The following CDH18 variants were observed in gnomAD, a reference collection of about 807,000 sequenced individuals.
The protein encoded by CDH18 is cadherin 18.
Under a neutral mutation model 67.9 loss-of-function variants are expected in CDH18, and 31 were observed. That is an observed-to-expected ratio of 0.46 (90% CI 0.34 to 0.62). The LOEUF is 0.62. Among genes scored for constraint, CDH18 ranks in the 20% least tolerant of loss-of-function variants. CDH18 has a pLI of 0.01. For missense variants in CDH18, 890 were observed against 975.5 expected (o/e 0.91, Z 1.17); for synonymous variants, 362 against 347.2 (o/e 1.04, Z -0.48).
intron 1 of CDH18, among the ~76,000 whole-genome samples, chr5:20,378,669 C>T (rs80317307): frequency 0.022 from 3,419 of 152,102 alleles, 88 homozygotes; most frequent in African/African-American, 0.059. Flanking sequence ...ATTAATGATG[C>T]CAAACACCGG....
At chr5:19,817,629 T>C (rs952422713) in intron 3 of CDH18, among the ~76,000 whole-genome samples, 35 of 152,054 alleles carry the variant, frequency 2.3e-4, no homozygotes, top group South Asian at 2.1e-4. Flanking sequence ...GCTATCAAAG[T>C]TTATAGTTCA....
chr5:19,818,700 T>C (rs1779547889), intron 3 of CDH18, among the ~76,000 whole-genome samples: 1 of 152,324 alleles, frequency 6.6e-6, no homozygotes, highest in South Asian at 2.1e-4. Flanking sequence ...TATAGCATGT[T>C]ACTGTACTGA....
intron 3 of CDH18, among the ~76,000 whole-genome samples, chr5:19,836,636 A>C (rs1006376854): frequency 2.6e-5 from 4 of 152,034 alleles, no homozygotes; most frequent in Non-Finnish European, 5.9e-5. Flanking sequence ...CACTCTGATG[A>C]TAGCTTCTTT....
intron 2 of CDH18, among the ~76,000 whole-genome samples, chr5:20,148,918 G>A (rs1750879252): frequency 6.6e-6 from 1 of 151,890 alleles, no homozygotes; most frequent in Non-Finnish European, 1.5e-5. Context: ...GCTGGTCCTG[G>A]AAGGGGACAT....
chr5:19,621,216 GTT>G (rs3062881), intron 5 of CDH18, among the ~76,000 whole-genome samples: 9 of 140,398 alleles, frequency 6.4e-5, no homozygotes, highest in African/African-American at 1.1e-4. Context: ...AAGAACCCAG[GTT>G]TTTTTTTTTT....
chr5:19,724,093 C>A (rs1035158381), intron 4 of CDH18, among the ~76,000 whole-genome samples: 1 of 152,076 alleles, frequency 6.6e-6, no homozygotes, highest in Non-Finnish European at 1.5e-5. Context: ...TTCATGATAG[C>A]CCCACACTGG....
At chr5:20,367,327 C>G (rs4608926) in intron 1 of CDH18, among the ~76,000 whole-genome samples, 151,904 of 152,166 alleles carry the variant, frequency 1, 75,822 homozygotes, top group Middle Eastern at 1. Flanking sequence ...CACCAGACCC[C>G]ATAATGCCAG....
intron 5 of CDH18, among the ~76,000 whole-genome samples, chr5:19,669,942 C>T (rs1432462425): frequency 6.6e-6 from 1 of 152,094 alleles, no homozygotes; most frequent in Non-Finnish European, 1.5e-5. Flanking sequence ...AGTGAAGACT[C>T]ATGAGTTTGC....
chr5:19,713,650 G>A (rs191565544), intron 5 of CDH18, among the ~76,000 whole-genome samples: 1 of 152,184 alleles, frequency 6.6e-6, no homozygotes, highest in Non-Finnish European at 1.5e-5. Context: ...TGTCTGTAAA[G>A]TACTTTGGTA....
intron 8 of CDH18, among the ~76,000 whole-genome samples, chr5:19,571,186 A>G (rs1417141880): frequency 6.6e-6 from 1 of 152,230 alleles, no homozygotes. Context: ...CAAAGGAACC[A>G]GAGTCAGTTA....
At chr5:20,427,210 TA>T (rs1334627775) in intron 1 of CDH18, among the ~76,000 whole-genome samples, 3 of 151,240 alleles carry the variant, frequency 2.0e-5, no homozygotes, top group Non-Finnish European at 4.4e-5. Flanking sequence ...TTTTGTATGA[TA>T]ACTAAATACA....
At chr5:19,624,333 G>C (rs982996436) in intron 5 of CDH18, among the ~76,000 whole-genome samples, 1 of 151,952 alleles carries the variant, frequency 6.6e-6, no homozygotes, top group African/African-American at 2.4e-5. Flanking sequence ...AAAAAGACAT[G>C]GCCACTTTCC....
intron 5 of CDH18, among the ~76,000 whole-genome samples, chr5:19,661,328 G>T (rs894983462): frequency 6.6e-6 from 1 of 151,842 alleles, no homozygotes; most frequent in South Asian, 2.1e-4. Flanking sequence ...AAATACCAGT[G>T]ATAGTATTTA....
intron 2 of CDH18, among the ~76,000 whole-genome samples, chr5:20,026,755 G>A (rs1301083027): frequency 6.6e-6 from 1 of 152,002 alleles, no homozygotes; most frequent in Non-Finnish European, 1.5e-5. Flanking sequence ...TCAGGAGATG[G>A]AGACCATTCT....
intron 1 of CDH18, among the ~76,000 whole-genome samples, chr5:20,384,403 G>A (rs752471273): frequency 8.5e-5 from 13 of 152,064 alleles, no homozygotes; most frequent in East Asian, 3.9e-4. Context: ...CCATGTTGTC[G>A]CCTATAGCAG....
Position 20,051,810 on chromosome 5 carries a change from C to T in CDH18, c.-517-59796G>A, listed in dbSNP as rs1230816570. On this transcript the variant is annotated intron_variant, in intron 2 of 14. Coordinates refer to the CDH18 transcript ENST00000507958. ...AGGAGTAATAAAAATGTATGAGTAACATCTTTTTCACAAGAGTAGAAAATG... is the reference window on the plus strand; with the variant it reads ...AGGAGTAATAAAAATGTATGAGTAATATCTTTTTCACAAGAGTAGAAAATG... 7.2e-5 allele frequency among the ~76,000 whole-genome samples: 11 copies of T among 151,952 alleles called. 1 individual carries two copies. Among genetic ancestry groups the T allele is most frequent in the Non-Finnish European group, 1.3e-4 (9 of 67,936 alleles).
chr5:19,919,355 C>T (rs1262375048), intron 2 of CDH18, among the ~76,000 whole-genome samples: 2 of 152,108 alleles, frequency 1.3e-5, no homozygotes, highest in African/African-American at 4.8e-5. Context: ...AATTATTGAG[C>T]TTGAGGAATA....
chr5:20,170,556 G>C (rs957864841), intron 2 of CDH18, among the ~76,000 whole-genome samples: 1 of 151,896 alleles, frequency 6.6e-6, no homozygotes, highest in Non-Finnish European at 1.5e-5. Context: ...TAATTTAGTG[G>C]ATAATAATAT....
At chr5:19,788,638 T>C (rs1226708780) in intron 3 of CDH18, among the ~76,000 whole-genome samples, 1 of 152,218 alleles carries the variant, frequency 6.6e-6, no homozygotes, top group Non-Finnish European at 1.5e-5. Flanking sequence ...ATTAGTGTTC[T>C]ATCATTGACA....
Sources: allele counts gnomAD v4.1 joint callset (sites outside exome capture counted in the v4.1 genomes callset), GRCh38; gene constraint gnomAD v4.1.1; transcripts MANE v1.5; gene names NCBI Gene and HGNC (gene_info 2026-07-23, HGNC 2026-07-21).